PARD3B: variants seen among roughly 807,000 people sequenced by gnomAD.
The protein encoded by PARD3B is partitioning defective 3 homolog B.
In PARD3B, 103 loss-of-function variants were observed where a neutral mutation model predicts 130.2. The observed-to-expected ratio is 0.79, with a 90% CI of 0.67 to 0.93. The LOEUF is 0.93. PARD3B is among the 40% of genes least tolerant of loss of function. PARD3B has a pLI of 0.00. For missense variants in PARD3B, 1,609 were observed against 1,499.2 expected, an observed-to-expected ratio of 1.07 and a Z score of -1.21; for synonymous variants, 583 against 553.2, an observed-to-expected ratio of 1.05 and a Z score of -0.76.
chr2:205,581,285 T>TAG (rs1212305648), intron 22 of PARD3B, among the ~76,000 whole-genome samples: 97 of 79,654 alleles, frequency 1.2e-3, no homozygotes, highest in East Asian at 5.4e-3. Context: ...GATATAGATA[T>TAG]ATAGATAGAT....
At position 204,677,067 on chromosome 2, in the gene PARD3B, T is replaced by G. The variant is rs1473580219; in HGVS notation, c.121-9114T>G. Among the ~76,000 whole-genome samples the G allele has an allele frequency of 6.6e-6, 1 of 152,182 alleles. No individual in the cohort carries two copies. Among genetic ancestry groups the G allele is most frequent in the East Asian group, 1.9e-4 (1 of 5,182 alleles). ...CAGCACAGAAAAAGCCAAATCTCTC[T>G]TTTATGTGGAAGGCTTTTAGTTGGA... On this transcript the variant is annotated intron_variant, in intron 1 of 22. Transcript: ENST00000406610. The surrounding 1 kb of genome is among the most constrained non-coding windows in gnomAD (Gnocchi z 4.1).
intron 1 of PARD3B, among the ~76,000 whole-genome samples, chr2:204,618,480 T>C (rs1294074390): frequency 6.6e-6 from 1 of 152,198 alleles, no homozygotes; most frequent in African/African-American, 2.4e-5. Context: ...GTTGGAACAC[T>C]GTGATCACAC....
At chr2:204,710,981 T>C (rs190961704) in intron 2 of PARD3B, among the ~76,000 whole-genome samples, 1 of 152,306 alleles carries the variant, frequency 6.6e-6, no homozygotes, top group African/African-American at 2.4e-5. Context: ...AGGAGTTTTG[T>C]TTGGAAGTCC....
In PARD3B at chr2:204,846,615, G is replaced by C. The variant is rs189426537; in HGVS notation, c.223-118537G>C. ...TAAGAAGAGTTATAAGAGAACTTGT[G>C]CTCTTTCTGTTTCTCTCTCTTTCCC... On this transcript the variant is annotated intron_variant, in intron 2 of 22. Coordinates refer to ENST00000406610, the MANE Select transcript of PARD3B (RefSeq NM_001302769.2). Among the ~76,000 whole-genome samples, 41 of 150,856 alleles carry C rather than the reference G, an allele frequency of 2.7e-4. 1 individual carries two copies. Among genetic ancestry groups the C allele is most frequent in the Middle Eastern group, 3.4e-3 (1 of 294 alleles).
At chr2:205,310,719 C>CTTTTTTTTTTTTTTTTTTT (rs34032930) in intron 18 of PARD3B, among the ~76,000 whole-genome samples, 9 of 82,590 alleles carry the variant, frequency 1.1e-4, no homozygotes, top group East Asian at 4.0e-4. Context: ...TTCTTTCTTT[C>CTTTTTTTTTTTTTTTTTTT]TTTTTTTTTT....
At chr2:204,778,091 C>A (rs563139351) in intron 2 of PARD3B, among the ~76,000 whole-genome samples, 5 of 149,240 alleles carry the variant, frequency 3.4e-5, no homozygotes, top group Admixed American at 2.7e-4. Flanking sequence ...ATAAATTATC[C>A]AATCTTGGGT....
At chr2:205,052,605 A>G (rs1194105708) in intron 4 of PARD3B, among the ~76,000 whole-genome samples, 1 of 151,576 alleles carries the variant, frequency 6.6e-6, no homozygotes. Context: ...TCAGATTTTA[A>G]AAGAATAACA....
intron 13 of PARD3B, 141 bp from the exon 14 acceptor site, chr2:205,185,623 A>G: frequency 3.2e-6 from 2 of 629,482 alleles, no homozygotes; most frequent in Admixed American, 2.4e-5. Flanking sequence ...AGGATCCTTC[A>G]GTTCTGTATG....
At chr2:204,985,783 A>AG (rs900826471) in intron 3 of PARD3B, among the ~76,000 whole-genome samples, 120 of 152,230 alleles carry the variant, frequency 7.9e-4, no homozygotes, top group African/African-American at 2.7e-3. Context: ...ACAAAGGAGA[A>AG]GGGGAGAAAC....
rs2041943292 is a variant in PARD3B, at chr2:205,300,144, G to A, written c.2186-386G>A. ...TGTTTGTGTGTGTGTCTGTGAGTAT[G>A]CATGTGTGTATGTGGGTATTCTCAC... On this transcript the variant is annotated intron_variant, in intron 16 of 22. Transcript: ENST00000406610. The surrounding 1 kb of genome is among the most constrained non-coding windows in gnomAD (Gnocchi z 4.1). Among the ~76,000 whole-genome samples the A allele has an allele frequency of 6.6e-6, 1 of 152,170 alleles. No individual in the cohort carries two copies. The highest frequency in any genetic ancestry group is 6.5e-5 in the Admixed American group (1 of 15,272).
intron 1 of PARD3B, among the ~76,000 whole-genome samples, chr2:204,667,840 G>C (rs976491254): frequency 6.6e-6 from 1 of 152,050 alleles, no homozygotes; most frequent in Non-Finnish European, 1.5e-5. Flanking sequence ...TTTAAATCAG[G>C]GTTTGTTAAC....
chr2:204,714,295 A>G (rs1413863205), intron 2 of PARD3B, among the ~76,000 whole-genome samples: 1 of 152,192 alleles, frequency 6.6e-6, no homozygotes, highest in Non-Finnish European at 1.5e-5. Context: ...ATTTGTGTAC[A>G]TTAGTACTCT....
Position 204,897,483 on chromosome 2 carries a change from T to A in PARD3B, c.223-67669T>A, listed in dbSNP as rs575731020. On this transcript the variant is annotated intron_variant, in intron 2 of 22. Coordinates refer to ENST00000406610, the MANE Select transcript of PARD3B (RefSeq NM_001302769.2). ...ACTGTCTCCCAAAACTCTGATTATTTTTTTTCTTAAACCTTTTCATTTGGA... is the reference window on the plus strand; with the variant it reads ...ACTGTCTCCCAAAACTCTGATTATTATTTTTCTTAAACCTTTTCATTTGGA... Among the ~76,000 whole-genome samples the A allele has an allele frequency of 3.3e-5, 5 of 151,844 alleles. No individual in the cohort carries two copies. In the South Asian group the frequency reaches 1.0e-3, roughly 32 times the overall value.
chr2:204,577,469 A>C (rs1457910026), intron 1 of PARD3B, among the ~76,000 whole-genome samples: 1 of 152,212 alleles, frequency 6.6e-6, no homozygotes, highest in East Asian at 1.9e-4. Context: ...CATGTTGCAC[A>C]ATTCCCTTGG....
At chr2:205,338,300 A>G (rs2043394661) in intron 18 of PARD3B, among the ~76,000 whole-genome samples, 1 of 152,068 alleles carries the variant, frequency 6.6e-6, no homozygotes, top group South Asian at 2.1e-4. Flanking sequence ...CTTCCCTTCC[A>G]ATATGTGCTT....
In PARD3B at chr2:205,115,452, T is replaced by G. The variant is rs186713747; in HGVS notation, c.680+1875T>G. 5.3e-5 allele frequency among the ~76,000 whole-genome samples: 8 copies of G among 152,256 alleles called. No homozygotes were observed. In the East Asian group the frequency reaches 1.5e-3, roughly 29 times the overall value. The stretch of plus-strand genomic sequence containing the variant: ...TTGTAAAACACCTAATGTATGAACG[T>G]GTAAATCATCAGTCTGATGATTATT... On this transcript the variant is annotated intron_variant, in intron 6 of 22. Coordinates refer to ENST00000406610, the MANE Select transcript of PARD3B (RefSeq NM_001302769.2).
At chr2:204,553,672 A>T (rs1385422396) in intron 1 of PARD3B, among the ~76,000 whole-genome samples, 3 of 115,012 alleles carry the variant, frequency 2.6e-5, no homozygotes, top group African/African-American at 1.2e-4. Flanking sequence ...ATATATATAT[A>T]TATATATATA....
chr2:204,919,750 C>A (rs926818280), intron 2 of PARD3B, among the ~76,000 whole-genome samples: 2 of 152,276 alleles, frequency 1.3e-5, no homozygotes, highest in Non-Finnish European at 2.9e-5. Context: ...TAATCCTCTT[C>A]CCCTTCAAAA....
chr2:204,904,862 T>C (rs1215547630), intron 2 of PARD3B, among the ~76,000 whole-genome samples: 1 of 152,212 alleles, frequency 6.6e-6, no homozygotes, highest in Non-Finnish European at 1.5e-5. Context: ...TTATTTTTGG[T>C]CCACATATGT....
Sources: allele counts gnomAD v4.1 joint callset (sites outside exome capture counted in the v4.1 genomes callset), GRCh38; gene constraint gnomAD v4.1.1; non-coding constraint Gnocchi (gnomAD v3.1); transcripts MANE v1.5; gene names NCBI Gene and HGNC (gene_info 2026-07-23, HGNC 2026-07-21).